The following KAZN variants were observed in gnomAD, a reference collection of about 807,000 sequenced individuals.
The protein encoded by KAZN is kazrin, periplakin interacting protein, also known as kazrin.
Under a neutral mutation model 87.4 loss-of-function variants are expected in KAZN, and 40 were observed. That is an observed-to-expected ratio of 0.46 (90% CI 0.36 to 0.60). The LOEUF is 0.60. KAZN is among the 20% of genes least tolerant of loss of function. The pLI is 0.00. For missense variants in KAZN, 898 were observed against 1,073.9 expected, an observed-to-expected ratio of 0.84 and a Z score of 2.29; for synonymous variants, 466 against 458.3, an observed-to-expected ratio of 1.02 and a Z score of -0.22.
Position 14,380,770 on chromosome 1 carries a change from AGAG to A in KAZN, c.249+200182_249+200184del, listed in dbSNP as rs567775986. Among the ~76,000 whole-genome samples, 243 of 152,330 alleles carry A rather than the reference AGAG, an allele frequency of 1.6e-3. 1 individual carries two copies. Among genetic ancestry groups the A allele is most frequent in the Admixed American group, 2.7e-3 (41 of 15,310 alleles). ...CAAATCTAAAATTTATTAACCCTAA[AGAG>A]GAGATAGAGAAAGAGACAGGGGTAG... On this transcript the variant is annotated intron_variant, in intron 2 of 16. Transcript: ENST00000636203.
chr1:14,900,242 A>G (rs1308429447), intron 1 of KAZN, among the ~76,000 whole-genome samples: 20 of 152,200 alleles, frequency 1.3e-4, no homozygotes, highest in Admixed American at 1.3e-3. Context: ...TTAGGGAGCC[A>G]TCATCACCTG....
chr1:14,110,407 A>G (rs1644476059), intron 1 of KAZN, among the ~76,000 whole-genome samples: 2 of 152,210 alleles, frequency 1.3e-5, no homozygotes, highest in African/African-American at 2.4e-5. Context: ...CTTGAGTTGC[A>G]TTTGACCTGT....
At chr1:13,903,609 G>C (rs1445416981) in intron 1 of KAZN, among the ~76,000 whole-genome samples, 1 of 152,160 alleles carries the variant, frequency 6.6e-6, no homozygotes, top group Non-Finnish European at 1.5e-5. Context: ...TCTTCTCTTT[G>C]ATCTCCCCAA....
chr1:14,897,032 G>A (rs1047686114), intron 1 of KAZN, among the ~76,000 whole-genome samples: 1 of 152,136 alleles, frequency 6.6e-6, no homozygotes, highest in Non-Finnish European at 1.5e-5. Context: ...GTGTTTATTA[G>A]GTCAAGGAAC....
At chr1:14,785,140 A>C (rs944272865) in intron 1 of KAZN, among the ~76,000 whole-genome samples, 3 of 152,098 alleles carry the variant, frequency 2.0e-5, no homozygotes, top group Non-Finnish European at 2.9e-5. Context: ...AATGTCAGCC[A>C]AGTTAAGTAG....
At chr1:13,965,636 C>T (rs1324494006) in intron 1 of KAZN, among the ~76,000 whole-genome samples, 2 of 152,056 alleles carry the variant, frequency 1.3e-5, no homozygotes, top group African/African-American at 2.4e-5. Context: ...ATCTGCAGCC[C>T]GATAGTCCCA....
At chr1:14,011,644 C>A (rs921568212) in intron 1 of KAZN, among the ~76,000 whole-genome samples, 2 of 152,034 alleles carry the variant, frequency 1.3e-5, no homozygotes, top group African/African-American at 4.8e-5. Flanking sequence ...AATGTAGAGC[C>A]AGACTGCCTG....
rs145748382 is a variant in KAZN, at chr1:14,335,007, T to C, written c.249+154415T>C. On this transcript the variant is annotated intron_variant, in intron 2 of 16. Transcript: ENST00000636203. ...GACACTGATATGGTTTAGGTGTTTG[T>C]CCCTCTGAGTCTCATGTTGAAACGT... 3.0e-3 allele frequency among the ~76,000 whole-genome samples: 456 copies of C among 152,052 alleles called. 1 individual carries two copies. Among genetic ancestry groups the C allele is most frequent in the African/African-American group, 0.01 (428 of 41,490 alleles).
rs140059978 is a variant in KAZN, at chr1:14,747,750, T to C, written c.226+148527T>C. ...GGAGTGGAACTGCTGGGTCACATGA[T>C]AATTCTATATTTAACTTTTTGAGAA... On this transcript the variant is annotated intron_variant, in intron 1 of 14. Coordinates refer to ENST00000376030, the MANE Select transcript of KAZN (RefSeq NM_201628.3). Among the ~76,000 whole-genome samples the C allele has an allele frequency of 1.8e-4, 27 of 152,352 alleles. No homozygotes were observed. In the East Asian group the frequency reaches 2.9e-3, roughly 16 times the overall value.
rs1401175141 is a variant in KAZN at position 14,501,123 on chromosome 1, AT to A, written c.250-97859del. 5.7e-4 allele frequency among the ~76,000 whole-genome samples: 82 copies of A among 144,422 alleles called. 1 individual carries two copies. The South Asian group carries it at 6.5e-3, about 11-fold the overall frequency. The allele number at this position is 144,422 out of a possible 152,430, so 94.7% of individuals were successfully genotyped here. On this transcript the variant is annotated intron_variant, in intron 2 of 16. Coordinates refer to the KAZN transcript ENST00000636203. ...AATAAATAAATAAATAAATAAATAA[AT>A]AAATAAAAATAATAATAAAAGCCCA...
chr1:14,857,344 C>A (rs892567654), intron 1 of KAZN, among the ~76,000 whole-genome samples: 8 of 152,034 alleles, frequency 5.3e-5, no homozygotes, highest in African/African-American at 1.9e-4. Context: ...AAGCTCGAGA[C>A]TAGCCTTAGC....
intron 1 of KAZN, among the ~76,000 whole-genome samples, chr1:14,637,141 A>C (rs925375690): frequency 3.3e-5 from 5 of 151,996 alleles, no homozygotes; most frequent in African/African-American, 1.2e-4. Flanking sequence ...TTGGGTGTGT[A>C]ATGGGAGGTG....
At chr1:15,104,232 A>G in intron 13 of KAZN, 43 bp downstream of exon 13, 2 of 1,512,492 alleles carry the variant, frequency 1.3e-6, no homozygotes, top group Non-Finnish European at 1.8e-6. Flanking sequence ...TGCTGGGTAC[A>G]GTACAGCTCA....
chr1:14,863,132 G>C (rs540876171), intron 1 of KAZN, among the ~76,000 whole-genome samples: 63 of 152,206 alleles, frequency 4.1e-4, no homozygotes, highest in Non-Finnish European at 7.5e-4. Context: ...TTGCTCTGGG[G>C]ACTGGGTGTG....
chr1:14,006,935 T>C (rs2101169117), intron 1 of KAZN, among the ~76,000 whole-genome samples: 1 of 152,332 alleles, frequency 6.6e-6, no homozygotes, highest in African/African-American at 2.4e-5. Flanking sequence ...AAGGACATTT[T>C]AACAAAATTC....
chr1:14,238,625 A>T (rs973771928), intron 2 of KAZN, among the ~76,000 whole-genome samples: 2 of 152,260 alleles, frequency 1.3e-5, no homozygotes, highest in African/African-American at 4.8e-5. Context: ...GCTGGAGCCC[A>T]TGAGAGGCCA....
In KAZN at chr1:14,599,443, C is replaced by CGG. The variant is rs1371340912; in HGVS notation, c.226+221_226+222dup. Among the ~76,000 whole-genome samples the CGG allele has an allele frequency of 6.6e-6, 1 of 152,180 alleles. No individual in the cohort carries two copies. The highest frequency in any genetic ancestry group is 6.5e-5 in the Admixed American group (1 of 15,290). On this transcript the variant is annotated intron_variant, in intron 1 of 14. Transcript: ENST00000376030. The surrounding 1 kb of genome is among the most constrained non-coding windows in gnomAD (Gnocchi z 4.4). ...CGAGCGCAGTGTGCACGGGGTCACACGGTCACACCGGCCCCGGCCAGCCTG... is the reference window on the plus strand; with the variant it reads ...CGAGCGCAGTGTGCACGGGGTCACACGGGGTCACACCGGCCCCGGCCAGCCTG...
chr1:14,303,370 A>G (rs1654693693), intron 2 of KAZN, among the ~76,000 whole-genome samples: 1 of 152,074 alleles, frequency 6.6e-6, no homozygotes. Flanking sequence ...CACCCTCCTG[A>G]GTAGCTGGGA....
chr1:14,283,102 C>T (rs1571217542), intron 2 of KAZN, among the ~76,000 whole-genome samples: 1 of 152,200 alleles, frequency 6.6e-6, no homozygotes, highest in African/African-American at 2.4e-5. Context: ...CTGCCACTTC[C>T]AAGCCAGATC....
Sources: gnomAD v4.1 joint callset for allele counts (sites outside exome capture counted in the v4.1 genomes callset) on GRCh38, gnomAD v4.1.1 for gene constraint, Gnocchi (gnomAD v3.1) non-coding constraint, MANE v1.5 for transcripts, NCBI Gene and HGNC (gene_info 2026-07-23, HGNC 2026-07-21) for gene names.